The following CFAP221 variants were observed in gnomAD, a reference collection of about 807,000 sequenced individuals.
The protein encoded by CFAP221 is cilia- and flagella-associated protein 221.
Under a neutral mutation model 113.1 loss-of-function variants are expected in CFAP221, and 97 were observed. The observed-to-expected ratio is 0.86, with a 90% CI of 0.73 to 1.02. The LOEUF is 1.02. Among genes scored for constraint, CFAP221 ranks in the 50% least tolerant of loss-of-function variants. The pLI, the probability that CFAP221 is intolerant of heterozygous loss-of-function variation, is 0.00. For synonymous variants in CFAP221, 331 were observed against 354.4 expected, an observed-to-expected ratio of 0.93 and a Z score of 0.74; for missense variants, 1,025 against 1,013.4, an observed-to-expected ratio of 1.01 and a Z score of -0.16.
chr2:119,573,376 C>T (rs1474627378), intron 6 of CFAP221: 1 of 152,140 alleles, frequency 6.6e-6, no homozygotes, highest in Non-Finnish European at 1.5e-5. Flanking sequence ...ATTTTATGTG[C>T]CCCAAGCTTG....
At chr2:119,616,306 A>T (rs181594977) in intron 14 of CFAP221, among the ~76,000 whole-genome samples, 1 of 152,260 alleles carries the variant, frequency 6.6e-6, no homozygotes, top group Non-Finnish European at 1.5e-5. Flanking sequence ...GCTGAATAAT[A>T]TTCCATTGTA....
chr2:119,658,720 C>A (rs1558680575), downstream of CFAP221, among the ~76,000 whole-genome samples: 1 of 152,030 alleles, frequency 6.6e-6, no homozygotes, highest in Non-Finnish European at 1.5e-5. Flanking sequence ...GTGGCTCACG[C>A]CTGTAATGCT....
At chr2:119,565,854 A>G (rs968319602) in intron 6 of CFAP221, among the ~76,000 whole-genome samples, 1 of 152,212 alleles carries the variant, frequency 6.6e-6, no homozygotes, top group African/African-American at 2.4e-5. Context: ...ACACGTTTTC[A>G]GCTAAAGTGT....
intron 6 of CFAP221, among the ~76,000 whole-genome samples, chr2:119,564,075 A>G (rs557033082): frequency 1.1e-4 from 16 of 152,314 alleles, no homozygotes; most frequent in African/African-American, 3.8e-4. Context: ...AGCAAGGCCT[A>G]AAGAGCCTGC....
At chr2:119,653,296 G>A (rs1006947685) in intron 23 of CFAP221, among the ~76,000 whole-genome samples, 12 of 152,082 alleles carry the variant, frequency 7.9e-5, no homozygotes, top group Middle Eastern at 3.4e-3. Context: ...CAGGAGAATC[G>A]CTTGAACCTG....
chr2:119,627,518 G>GATAT (rs57740311), intron 15 of CFAP221, 135 bp from the exon 16 acceptor site: 82 of 477,986 alleles, frequency 1.7e-4, no homozygotes, highest in African/African-American at 1.5e-3. Context: ...AGTAAAAGTG[G>GATAT]ATATATATAT....
At chr2:119,631,811 A>G (rs1188421992) in intron 19 of CFAP221, among the ~76,000 whole-genome samples, 3 of 152,244 alleles carry the variant, frequency 2.0e-5, no homozygotes, top group Non-Finnish European at 4.4e-5. Flanking sequence ...TACCAATGTC[A>G]GGAATGAGGA....
In CFAP221 at chr2:119,656,365, A is replaced by G; in HGVS notation, c.2418A>G (p.Glu806=). 6.2e-7 allele frequency: 1 copy of G among 1,613,838 alleles called. No individual in the cohort carries two copies. The highest frequency in any genetic ancestry group is 8.5e-7 in the Non-Finnish European group (1 of 1,179,772). The change falls in exon 24 of 24, where the codon GAA becomes GAG. Residue 806 remains glutamate, a synonymous_variant. Transcript: ENST00000413369. ...LNYKDIRKEK[E]VKDQAQPAEK... Reference sequence around the variant, plus strand: ...TCTTGGGTTTTTTGATACTCAGAGAAGTGAAAGATCAAGCACAACCAGCAG... The same window carrying G: ...TCTTGGGTTTTTTGATACTCAGAGAGGTGAAAGATCAAGCACAACCAGCAG...
At chr2:119,647,606 C>T (rs915839039) in intron 22 of CFAP221, among the ~76,000 whole-genome samples, 1 of 152,120 alleles carries the variant, frequency 6.6e-6, no homozygotes, top group Non-Finnish European at 1.5e-5. Flanking sequence ...ATACAGCATT[C>T]GTACGTCCAG....
intron 1 of CFAP221, among the ~76,000 whole-genome samples, chr2:119,545,568 T>G (rs1286533801): frequency 6.6e-6 from 1 of 152,174 alleles, no homozygotes; most frequent in East Asian, 1.9e-4. Flanking sequence ...CACCCCCTCC[T>G]CATCACCCTG....
intron 15 of CFAP221, among the ~76,000 whole-genome samples, chr2:119,627,177 A>G (rs1026514863): frequency 6.6e-6 from 1 of 151,816 alleles, no homozygotes; most frequent in South Asian, 2.1e-4. Context: ...CCTAGGCACA[A>G]CCACACTCCC....
chr2:119,552,717 A>G (rs1464065971), intron 3 of CFAP221, among the ~76,000 whole-genome samples: 1 of 78,976 alleles, frequency 1.3e-5, no homozygotes, highest in Non-Finnish European at 2.4e-5. Flanking sequence ...AAATAGAAAT[A>G]TTTCTTTCTT....
chr2:119,558,912 T>A (rs1681021109), intron 3 of CFAP221, among the ~76,000 whole-genome samples: 1 of 152,210 alleles, frequency 6.6e-6, no homozygotes, highest in Non-Finnish European at 1.5e-5. Context: ...TAAAGTCTAA[T>A]TTAGGGCATT....
At position 119,625,756 on chromosome 2, in the gene CFAP221, G is replaced by T. The variant is rs778371737; in HGVS notation, c.1516+68G>T. 3.7e-6 allele frequency: 5 copies of T among 1,351,622 alleles called. No individual in the cohort carries two copies. In the African/African-American group the frequency reaches 7.3e-5, roughly 20 times the overall value. The allele number at this position is 1,351,622 out of a possible 1,614,324, so 83.7% of individuals were successfully genotyped here. A position where few individuals can be genotyped will look rare whatever the true frequency, so the allele number is the denominator to read the frequency against. ...TGCCTCTGAGCGTGAACTTTCCTTA[G>T]AATGAAGTTAGCTCTATGCAAATAA... On this transcript the variant is annotated intron_variant, in intron 15 of 23. Coordinates refer to ENST00000413369, the MANE Select transcript of CFAP221 (RefSeq NM_001271049.2).
intron 14 of CFAP221, among the ~76,000 whole-genome samples, chr2:119,620,920 TA>T (rs1371933684): frequency 4.3e-3 from 606 of 139,740 alleles, no homozygotes; most frequent in Admixed American, 4.2e-3. Flanking sequence ...AATGGAAAGT[TA>T]AAAAAAAAAA....
intron 21 of CFAP221, among the ~76,000 whole-genome samples, chr2:119,641,829 A>G (rs1317706232): frequency 1.3e-5 from 2 of 152,160 alleles, no homozygotes; most frequent in East Asian, 3.9e-4. Context: ...GAACTGACCT[A>G]TGCAGTCAGT....
At chr2:119,647,088 G>A (rs779891039) in intron 22 of CFAP221, 38 bp downstream of exon 22, 1 of 1,545,816 alleles carries the variant, frequency 6.5e-7, no homozygotes, top group Non-Finnish European at 8.8e-7. Flanking sequence ...CTCTAATGTG[G>A]TCTGTTTTCC....
intron 14 of CFAP221, among the ~76,000 whole-genome samples, chr2:119,619,003 C>T (rs967373055): frequency 4.6e-5 from 7 of 152,290 alleles, no homozygotes; most frequent in Admixed American, 4.6e-4. Flanking sequence ...CACTGTAGCT[C>T]GGCAAAACCA....
At chr2:119,604,428 A>G (rs1368592365) in intron 8 of CFAP221, among the ~76,000 whole-genome samples, 1 of 152,022 alleles carries the variant, frequency 6.6e-6, no homozygotes, top group Non-Finnish European at 1.5e-5. Context: ...GTGAGACTCC[A>G]TCTCAAAAAA....
Sources: allele counts gnomAD v4.1 joint callset (sites outside exome capture counted in the v4.1 genomes callset), GRCh38; gene constraint gnomAD v4.1.1; transcripts MANE v1.5; gene names NCBI Gene and HGNC (gene_info 2026-07-23, HGNC 2026-07-21).